Variants in EPS15 observed in about 807,000 individuals in gnomAD.
The protein encoded by EPS15 is epidermal growth factor receptor pathway substrate 15, also known as epidermal growth factor receptor substrate 15.
Under a neutral mutation model 113.8 loss-of-function variants are expected in EPS15, and 72 were observed. The ratio of observed to expected loss-of-function variants is 0.63; its 90% CI spans 0.52 to 0.77. The LOEUF (loss-of-function observed/expected upper bound fraction) is 0.77. EPS15 is among the 30% of genes least tolerant of loss of function. EPS15 has a pLI of 0.00. For missense variants in EPS15, 1,048 were observed against 1,045.8 expected, an observed-to-expected ratio of 1.00 and a Z score of -0.03; for synonymous variants, 344 against 363.4, an observed-to-expected ratio of 0.95 and a Z score of 0.61.
chr1:51,474,831 C>T (rs191073656), intron 2 of EPS15, among the ~76,000 whole-genome samples: 4 of 133,918 alleles, frequency 3.0e-5, no homozygotes, highest in African/African-American at 1.1e-4. Flanking sequence ...TCCCTCCCCC[C>T]TCCCCCCAAC....
rs1652516230 is a variant in EPS15 at position 51,440,533 on chromosome 1, A to G, written c.955-101T>C. ...GCTCTACGCAGATATAAGGTATTGC[A>G]TATTTTACTGTATTACTGAGATTTT... is the stretch of plus-strand genomic sequence containing the variant. On this transcript the variant is annotated intron_variant, in intron 11 of 24. Coordinates refer to ENST00000371733, the MANE Select transcript of EPS15 (RefSeq NM_001981.3). 1.8e-5 allele frequency: 8 copies of G among 449,694 alleles called. No individual in the cohort carries two copies. The South Asian group carries it at 3.6e-4, about 20-fold the overall frequency. 27.9% of individuals were successfully genotyped at this position (449,694 alleles called of 1,614,324 possible).
At chr1:51,376,472 T>G (rs1012011316) in intron 21 of EPS15, among the ~76,000 whole-genome samples, 26 of 152,210 alleles carry the variant, frequency 1.7e-4, no homozygotes, top group Non-Finnish European at 2.9e-4. Context: ...GAGACCAGCC[T>G]GGCCAACATG....
At chr1:51,517,294 A>C (rs2148574537) in intron 1 of EPS15, among the ~76,000 whole-genome samples, 1 of 152,340 alleles carries the variant, frequency 6.6e-6, no homozygotes, top group Admixed American at 6.5e-5. Flanking sequence ...ACTGAAGGAT[A>C]ATAGCTACTA....
chr1:51,516,787 A>G (rs1343256018), intron 1 of EPS15, among the ~76,000 whole-genome samples: 2 of 152,250 alleles, frequency 1.3e-5, no homozygotes, highest in Non-Finnish European at 2.9e-5. Context: ...TAACTTGAGC[A>G]TGTTTAATCT....
chr1:51,443,505 C>T (rs1474547856), intron 11 of EPS15, among the ~76,000 whole-genome samples: 1 of 149,270 alleles, frequency 6.7e-6, no homozygotes, highest in Non-Finnish European at 1.5e-5. Flanking sequence ...CACAAAAAGG[C>T]CCCCCCCATA....
intron 11 of EPS15, 76 bp downstream of exon 11, chr1:51,444,813 A>T: frequency 7.3e-7 from 1 of 1,372,400 alleles, no homozygotes. Context: ...TATTTCATCC[A>T]AATTGAATCT....
At chr1:51,366,899 G>A (rs140681962) in intron 21 of EPS15, among the ~76,000 whole-genome samples, 1 of 152,234 alleles carries the variant, frequency 6.6e-6, no homozygotes, top group Non-Finnish European at 1.5e-5. Flanking sequence ...AGATGGTAAG[G>A]TCCTTGAAAA....
At chr1:51,516,150 GC>G (rs1362763239) in intron 1 of EPS15, among the ~76,000 whole-genome samples, 1 of 151,972 alleles carries the variant, frequency 6.6e-6, no homozygotes, top group Non-Finnish European at 1.5e-5. Flanking sequence ...AACATTTAAG[GC>G]TGTAAAGCAC....
chr1:51,385,676 T>A (rs1474346790), intron 21 of EPS15, among the ~76,000 whole-genome samples: 1 of 151,564 alleles, frequency 6.6e-6, no homozygotes, highest in Non-Finnish European at 1.5e-5. Context: ...AATGAACAAA[T>A]AAACAAAATG....
intron 1 of EPS15, among the ~76,000 whole-genome samples, chr1:51,508,724 T>A (rs1179923502): frequency 1.3e-5 from 2 of 152,162 alleles, no homozygotes; most frequent in African/African-American, 4.8e-5. Flanking sequence ...TTGAAGTCTA[T>A]CCTTGAGTCC....
chr1:51,429,131 T>A (rs573321186), intron 12 of EPS15, among the ~76,000 whole-genome samples: 1 of 152,274 alleles, frequency 6.6e-6, no homozygotes, highest in South Asian at 2.1e-4. Context: ...TTGGCTTCCA[T>A]ATTCCTGGGA....
Position 51,409,577 on chromosome 1 carries a change from T to C in EPS15, c.1233A>G (p.Gln411=). 1 of 1,613,918 alleles carries C rather than the reference T, an allele frequency of 6.2e-7. No individual in the cohort carries two copies. The highest frequency in any genetic ancestry group is 8.5e-7 in the Non-Finnish European group (1 of 1,179,954). The change falls in exon 14 of 25, where the codon CAA becomes CAG. Residue 411 remains glutamine, a synonymous_variant. Coordinates refer to ENST00000371733, the MANE Select transcript of EPS15 (RefSeq NM_001981.3). ...CACATTTCTTTCTGACTTCCTTGAG[T>C]TGCTCCTCCAGCTGGGCTTTCTGCT... is the stretch of plus-strand genomic sequence containing the variant. ...LDEQKAQLEE[Q]LKEVRKKCAE...
At chr1:51,391,271 A>G (rs1376340347) in intron 21 of EPS15, among the ~76,000 whole-genome samples, 1 of 152,066 alleles carries the variant, frequency 6.6e-6, no homozygotes, top group East Asian at 1.9e-4. Context: ...CAATGAGAAC[A>G]CATGGACACA....
chr1:51,447,420 T>C (rs192365984), intron 9 of EPS15, among the ~76,000 whole-genome samples: 1 of 152,324 alleles, frequency 6.6e-6, no homozygotes, highest in East Asian at 1.9e-4. Context: ...AAAGTCTGTA[T>C]AAACAAAATA....
At position 51,448,214 on chromosome 1, in the gene EPS15, T is replaced by A. The variant is rs550464335; in HGVS notation, c.562-79A>T. 6.3e-6 allele frequency: 5 copies of A among 796,208 alleles called. No individual in the cohort carries two copies. The East Asian group carries it at 1.4e-4, about 22-fold the overall frequency. 49.3% of individuals were successfully genotyped at this position (796,208 alleles called of 1,614,324 possible). On this transcript the variant is annotated intron_variant, in intron 8 of 24. Coordinates refer to ENST00000371733, the MANE Select transcript of EPS15 (RefSeq NM_001981.3). The stretch of plus-strand genomic sequence containing the variant: ...CACTGAATTGATTATTGTTCAATGA[T>A]AAATCATCGTCAGGCTCTCAAATCC...
At chr1:51,418,355 G>A (rs1326826476) in intron 13 of EPS15, among the ~76,000 whole-genome samples, 1 of 152,066 alleles carries the variant, frequency 6.6e-6, no homozygotes. Flanking sequence ...AAGATATCCA[G>A]GAGAATACAA....
intron 12 of EPS15, among the ~76,000 whole-genome samples, chr1:51,438,987 C>CA (rs1652374541): frequency 6.6e-6 from 1 of 151,956 alleles, no homozygotes; most frequent in Non-Finnish European, 1.5e-5. Flanking sequence ...GCCAATAAGC[C>CA]AATCCAATCA....
In EPS15 at chr1:51,500,642, A is replaced by C. The variant is rs564042416; in HGVS notation, c.33+18557T>G. On this transcript the variant is annotated intron_variant, in intron 1 of 24. Coordinates refer to ENST00000371733, the MANE Select transcript of EPS15 (RefSeq NM_001981.3). ...GCAATCCTCCTGCCTCAGCCTCCCA[A>C]GTAGCTGCACCTAAAGGTGTGCACC... is the stretch of plus-strand genomic sequence containing the variant. Among the ~76,000 whole-genome samples, 6 of 152,238 alleles carry C rather than the reference A, an allele frequency of 3.9e-5. No individual in the cohort carries two copies. The South Asian group carries it at 1.2e-3, about 32-fold the overall frequency.
chr1:51,390,242 TG>T (rs1647231047), intron 21 of EPS15, among the ~76,000 whole-genome samples: 2 of 152,114 alleles, frequency 1.3e-5, no homozygotes, highest in South Asian at 4.2e-4. Flanking sequence ...TAAATGGTGC[TG>T]GGAAAACTGG....
Sources: allele counts gnomAD v4.1 joint callset (sites outside exome capture counted in the v4.1 genomes callset), GRCh38; gene constraint gnomAD v4.1.1; transcripts MANE v1.5; gene names NCBI Gene and HGNC (gene_info 2026-07-23, HGNC 2026-07-21).